TRAF3IP3: variants seen among roughly 807,000 people sequenced by gnomAD.
TRAF3IP3 encodes the protein TRAF3-interacting JNK-activating modulator.
A neutral mutation model predicts 86.5 loss-of-function variants in TRAF3IP3; 64 were observed. The ratio of observed to expected loss-of-function variants is 0.74; its 90% CI spans 0.60 to 0.91. The LOEUF is 0.91. TRAF3IP3 is among the 40% of genes least tolerant of loss of function. The probability of loss-of-function intolerance (pLI) is 0.00; values close to 1 mark genes in which losing one functional copy is unlikely to be tolerated. For synonymous variants in TRAF3IP3, 220 were observed against 243.9 expected, an observed-to-expected ratio of 0.90 and a Z score of 0.91; for missense variants, 579 against 642.9, an observed-to-expected ratio of 0.90 and a Z score of 1.07.
chr1:209,782,233 G>A lies in TRAF3IP3; in HGVS notation c.*85G>A, dbSNP rs527257150. The A allele has an allele frequency of 3.7e-6, 4 of 1,082,984 alleles. No homozygotes were observed. The South Asian group carries it at 3.8e-5, about 10-fold the overall frequency. 67.1% of individuals were successfully genotyped at this position (1,082,984 alleles called of 1,614,324 possible). On this transcript the variant is annotated 3_prime_UTR_variant, in exon 17 of 17. Transcript: ENST00000367025. Reference sequence around the variant, plus strand: ...AGAAGGTTTGGGTACATTACAGCTTGGGTTTTCCAACTGACTTAGGATTTC... The same window carrying A: ...AGAAGGTTTGGGTACATTACAGCTTAGGTTTTCCAACTGACTTAGGATTTC...
intron 7 of TRAF3IP3, 33 bp from the exon 8 acceptor site, chr1:209,763,459 T>A: frequency 6.2e-7 from 1 of 1,613,450 alleles, no homozygotes; most frequent in Non-Finnish European, 8.5e-7. Context: ...CAGGTTAATC[T>A]TACCCTCTTG....
At chr1:209,758,300 G>A (rs2077187693) in intron 1 of TRAF3IP3, among the ~76,000 whole-genome samples, 1 of 152,164 alleles carries the variant, frequency 6.6e-6, no homozygotes, top group Non-Finnish European at 1.5e-5. Context: ...GGTATGTAGA[G>A]GACAAACATT....
chr1:209,779,497 G>A, intron 14 of TRAF3IP3, 123 bp downstream of exon 14: 1 of 817,660 alleles, frequency 1.2e-6, no homozygotes, highest in South Asian at 1.4e-5. Context: ...TTAAGTCCGG[G>A]ATGTGTGGGA....
rs555686269 is a variant in TRAF3IP3 at position 209,760,869 on chromosome 1, A to G, written c.345+485A>G. Among the ~76,000 whole-genome samples, 28 of 152,280 alleles carry G rather than the reference A, an allele frequency of 1.8e-4. No homozygotes were observed. In the South Asian group the frequency reaches 2.5e-3, roughly 14 times the overall value. On this transcript the variant is annotated intron_variant, in intron 3 of 16. Transcript: ENST00000367025. Reference sequence around the variant, plus strand: ...GGATTACTTGAACCCAGGAGTTTGAAGCTGCAATAAGCTATGATCACACCA... The same window carrying G: ...GGATTACTTGAACCCAGGAGTTTGAGGCTGCAATAAGCTATGATCACACCA...
intron 8 of TRAF3IP3, among the ~76,000 whole-genome samples, chr1:209,767,071 G>A (rs1198654798): frequency 6.6e-6 from 1 of 152,198 alleles, no homozygotes; most frequent in African/African-American, 2.4e-5. Flanking sequence ...GTATGCCAGA[G>A]TAGTACCAAA....
chr1:209,763,621 G>A (rs1425633281), intron 8 of TRAF3IP3, 34 bp downstream of exon 8: 2 of 1,332,414 alleles, frequency 1.5e-6, no homozygotes, highest in East Asian at 4.8e-5. Flanking sequence ...AACAAAGCTT[G>A]GGCTTCTATG....
At position 209,782,130 on chromosome 1, in the gene TRAF3IP3, A is replaced by T. The variant is rs1291000324; in HGVS notation, c.1638A>T (p.Lys546Asn). 2 of 1,614,054 alleles carry T rather than the reference A, an allele frequency of 1.2e-6. No homozygotes were observed. Among genetic ancestry groups the T allele is most frequent in the Admixed American group, 3.3e-5 (2 of 60,022 alleles). Residue 546 changes from lysine (K) to asparagine (N), a missense_variant, in exon 17 of 17, where the codon AAA becomes AAT. Lys to Asn is a moderately conservative substitution (Grantham distance 94, BLOSUM62 0). Coordinates refer to ENST00000367025, the MANE Select transcript of TRAF3IP3 (RefSeq NM_025228.4). ...CACTGGCAGTGTTCCTGGCCAATAAAGACAACCTGATGATCTGAATAATTT... is the reference window on the plus strand; with the variant it reads ...CACTGGCAGTGTTCCTGGCCAATAATGACAACCTGATGATCTGAATAATTT... ...AAALAVFLAN[K>N]DNLMI
chr1:209,781,389 T>A lies in TRAF3IP3; in HGVS notation c.1494T>A (p.Tyr498Ter), dbSNP rs755698673. 2 of 1,613,562 alleles carry A rather than the reference T, an allele frequency of 1.2e-6. No individual in the cohort carries two copies. The highest frequency in any genetic ancestry group is 2.7e-5 in the African/African-American group (2 of 74,912). ...AATTAGACAACCTCAGTGACGAGTA[T>A]CTCTCCTGCCTGCGTAAGCTGCAGC... is the stretch of plus-strand genomic sequence containing the variant. ...HSELDNLSDE[Y>*]LSCLRKLQHC... Residue 498 changes from tyrosine (Y) to a stop codon, truncating the protein, a stop_gained, in exon 16 of 17, where the codon TAT (tyrosine) becomes TAA (stop). Transcript: ENST00000367025. LOFTEE classifies it high-confidence loss of function.
intron 13 of TRAF3IP3, 156 bp downstream of exon 13, chr1:209,778,329 C>T (rs2077702634): frequency 1.7e-6 from 1 of 572,006 alleles, no homozygotes; most frequent in Non-Finnish European, 3.1e-6. Flanking sequence ...AGGTCATTTA[C>T]ATAGCTCTCC....
intron 3 of TRAF3IP3, among the ~76,000 whole-genome samples, chr1:209,760,958 T>A (rs1468407104): frequency 2.0e-5 from 3 of 152,064 alleles, no homozygotes; most frequent in Non-Finnish European, 1.5e-5. Context: ...ATAAAATAAA[T>A]AAAAATAATT....
chr1:209,781,957 G>A (rs752823736), intron 16 of TRAF3IP3, 99 bp from the exon 17 acceptor site: 21 of 979,844 alleles, frequency 2.1e-5, no homozygotes, highest in Non-Finnish European at 3.2e-5. Flanking sequence ...CCAACCCAGC[G>A]TTTTCCACTG....
In TRAF3IP3 at chr1:209,772,985, G is replaced by C. The variant is rs2102493340; in HGVS notation, c.740G>C (p.Arg247Thr). The C allele has an allele frequency of 2.5e-6, 4 of 1,613,904 alleles. No individual in the cohort carries two copies. Among genetic ancestry groups the C allele is most frequent in the Middle Eastern group, 1.7e-4 (1 of 6,058 alleles). The change falls in exon 9 of 17, where the codon AGA becomes ACA. Residue 247 changes from arginine (R) to threonine (T), a missense_variant. Arg to Thr is a moderately conservative substitution (Grantham distance 71). Transcript: ENST00000367025. The stretch of plus-strand genomic sequence containing the variant: ...GAAGACAAACTGAAGGGGAAACTGA[G>C]ATCCTTAGAAAACCAGCTATACACC... ...LNEDKLKGKL[R>T]SLENQLYTCT...
chr1:209,779,571 T>C (rs2077733651), intron 14 of TRAF3IP3, 197 bp downstream of exon 14: 2 of 693,906 alleles, frequency 2.9e-6, no homozygotes, highest in Non-Finnish European at 5.3e-6. Context: ...TATCTTGAGG[T>C]ATATAAACTG....
At position 209,775,756 on chromosome 1, in the gene TRAF3IP3, GGGAGGGAAGACAGGGTATGGGGA is replaced by G. The variant is rs750410858; in HGVS notation, c.1053+28_1053+50del. The G allele has an allele frequency of 6.3e-6, 10 of 1,599,350 alleles. No individual in the cohort carries two copies. The South Asian group carries it at 7.9e-5, about 13-fold the overall frequency. ...CTGCAGGTACCAGGCACTGGGGGTG[GGGAGGGAAGACAGGGTATGGGGA>G]GGAGGGATGGTGATGAAAGAAGCTG... On this transcript the variant is annotated intron_variant, in intron 11 of 16. Transcript: ENST00000367025.
Position 209,760,016 on chromosome 1 carries a change from C to T in TRAF3IP3, c.-24C>T, listed in dbSNP as rs371642522. 60 of 1,582,684 alleles carry T rather than the reference C, an allele frequency of 3.8e-5. No individual in the cohort carries two copies. The African/African-American group carries it at 5.5e-4, about 15-fold the overall frequency. On this transcript the variant is annotated 5_prime_UTR_variant, in exon 3 of 17. Coordinates refer to ENST00000367025, the MANE Select transcript of TRAF3IP3 (RefSeq NM_025228.4). ...TCTATTCCAGGAACTGGAAGCCAAG[C>T]GCAACAGGTGCTTGGAGGTCATCAT...
chr1:209,760,263 A>G lies in TRAF3IP3; in HGVS notation c.224A>G (p.Glu75Gly), dbSNP rs144881169. 4,007 of 1,614,218 alleles carry G rather than the reference A, an allele frequency of 2.5e-3. 70 individuals carry two copies. The African/African-American group carries it at 0.043, about 17-fold the overall frequency. The change falls in exon 3 of 17, where the codon GAG (glutamate) becomes GGG (glycine). Residue 75 changes from glutamate to glycine, a missense_variant. Physicochemically the swap from Glu to Gly is moderately conservative, Grantham distance 98 (BLOSUM62 -2). Transcript: ENST00000367025. ...FFRRRNLELE[E>G]KGKAQHPQAR... ...AGGAGGAGGAACCTGGAGCTAGAGG[A>G]GAAGGGCAAAGCGCAGCATCCCCAG... is the stretch of plus-strand genomic sequence containing the variant.
chr1:209,757,692 C>G (rs777394845), intron 1 of TRAF3IP3, among the ~76,000 whole-genome samples: 2 of 152,164 alleles, frequency 1.3e-5, no homozygotes, highest in Non-Finnish European at 2.9e-5. Context: ...TAGCTTGGAG[C>G]CTTTGTCTTA....
intron 14 of TRAF3IP3, 73 bp downstream of exon 14, chr1:209,779,447 T>G (rs767750036): frequency 3.0e-6 from 4 of 1,327,880 alleles, no homozygotes; most frequent in Non-Finnish European, 4.3e-6. Flanking sequence ...CGGGATGGAC[T>G]ACATGACCTC....
intron 14 of TRAF3IP3, chr1:209,779,675 C>G (rs974678664): frequency 3.3e-6 from 2 of 601,658 alleles, no homozygotes; most frequent in Non-Finnish European, 5.9e-6. Context: ...TCAATTTTTA[C>G]ACACTTGATT....
Sources: allele counts gnomAD v4.1 joint callset (sites outside exome capture counted in the v4.1 genomes callset), GRCh38; gene constraint gnomAD v4.1.1; transcripts MANE v1.5; gene names NCBI Gene and HGNC (gene_info 2026-07-23, HGNC 2026-07-21).